Variants in PRKDC observed in about 807,000 individuals in gnomAD.
The protein encoded by PRKDC is DNA-dependent protein kinase catalytic subunit.
In PRKDC, 82 loss-of-function variants were observed where a neutral mutation model predicts 486.9. The observed-to-expected ratio is 0.17, with a 90% CI of 0.14 to 0.20. PRKDC has a LOEUF of 0.20. Ranked by LOEUF, PRKDC falls within the 10% of genes least tolerant of loss-of-function variation. The probability of loss-of-function intolerance (pLI) is 1.00; values close to 1 mark genes in which losing one functional copy is unlikely to be tolerated. For synonymous variants in PRKDC, 1,895 were observed against 1,837.0 expected, an observed-to-expected ratio of 1.03 and a Z score of -0.81; for missense variants, 4,504 against 5,038.2, an observed-to-expected ratio of 0.89 and a Z score of 3.21.
chr8:47,782,727 G>C lies in PRKDC; in HGVS notation c.11176-129C>G, dbSNP rs532973753. The C allele has an allele frequency of 4.1e-6, 4 of 979,230 alleles. No homozygotes were observed. The highest frequency in any genetic ancestry group is 2.6e-5 in the Admixed American group (1 of 38,886). 60.7% of individuals were successfully genotyped at this position (979,230 alleles called of 1,614,324 possible). A position where few individuals can be genotyped will look rare whatever the true frequency, so the allele number is the denominator to read the frequency against. On this transcript the variant is annotated intron_variant, in intron 78 of 85. Coordinates refer to ENST00000314191, the MANE Select transcript of PRKDC (RefSeq NM_006904.7). The surrounding 1 kb of genome is among the most constrained non-coding windows in gnomAD (Gnocchi z 4.9). ...TGAAGACAGTGCCAAAGAGCAGAGCGCCCAGGCCAGCAACGAATTTCTGCT... is the reference window on the plus strand; with the variant it reads ...TGAAGACAGTGCCAAAGAGCAGAGCCCCCAGGCCAGCAACGAATTTCTGCT...
chr8:47,888,911 T>C (rs2089393890), intron 33 of PRKDC, 103 bp downstream of exon 33: 3 of 1,257,028 alleles, frequency 2.4e-6, no homozygotes, highest in South Asian at 2.8e-5. Flanking sequence ...CCCACTGATA[T>C]AAGCCTTCCC....
At position 47,893,313 on chromosome 8, in the gene PRKDC, C is replaced by T; in HGVS notation, c.3673G>A (p.Glu1225Lys). The T allele has an allele frequency of 6.2e-7, 1 of 1,603,262 alleles. No homozygotes were observed. The highest frequency in any genetic ancestry group is 1.1e-5 in the South Asian group (1 of 90,062). Residue 1225 changes from glutamate (E) to lysine (K), a missense_variant, in exon 31 of 86, where the codon GAG becomes AAG. Glu to Lys is a moderately conservative substitution (Grantham distance 56). This residue lies in a region of PRKDC where 1,969 missense variants were observed against 2,068.9 expected (regional missense o/e 0.95). Coordinates refer to ENST00000314191, the MANE Select transcript of PRKDC (RefSeq NM_006904.7). Reference protein sequence around the residue: ...EGVSFLINTFEGGGCGQPSGI... With the variant: ...EGVSFLINTFKGGGCGQPSGI... ...GAGGGCTGGCCACAGCCACCCCCCT[C>T]AAAGGTGTTGATGAGAAAAGAGACA... is the stretch of plus-strand genomic sequence containing the variant.
intron 48 of PRKDC, 95 bp downstream of exon 48, chr8:47,858,421 G>T: frequency 8.3e-7 from 1 of 1,203,788 alleles, no homozygotes; most frequent in Non-Finnish European, 1.1e-6. Context: ...GTGTTTTTAA[G>T]TATATTCATA....
In PRKDC at chr8:47,930,773, C is replaced by A. The variant is rs8178032; in HGVS notation, c.1791G>T (p.Ala597=). The change falls in exon 17 of 86, where the codon GCG becomes GCT. Residue 597 remains alanine, a synonymous_variant. Transcript: ENST00000314191. The part of the protein sequence containing the change: ...TVGEQENGDE[A]PGVWMIPTSD... ...AAGTTGGGATCATCCAAACACCAGGCGCCTCATCTCCATTCTTAAAGAGTA... is the reference window on the plus strand; with the variant it reads ...AAGTTGGGATCATCCAAACACCAGGAGCCTCATCTCCATTCTTAAAGAGTA... The A allele has an allele frequency of 1.3e-6, 2 of 1,578,650 alleles. No homozygotes were observed. Among genetic ancestry groups the A allele is most frequent in the Admixed American group, 3.7e-5 (2 of 54,214 alleles).
intron 19 of PRKDC, 77 bp from the exon 20 acceptor site, chr8:47,927,967 A>G: frequency 8.0e-7 from 1 of 1,257,712 alleles, no homozygotes; most frequent in Non-Finnish European, 1.0e-6. Flanking sequence ...TATTTGCCCT[A>G]TTCTCAAATA....
chr8:47,793,769 C>T (rs1314633088), intron 74 of PRKDC, among the ~76,000 whole-genome samples: 1 of 148,434 alleles, frequency 6.7e-6, no homozygotes, highest in African/African-American at 2.5e-5. Context: ...CAGATCTGCT[C>T]ATAATTAAAA....
intron 24 of PRKDC, 88 bp downstream of exon 24, chr8:47,913,813 G>A (rs923061804): frequency 4.8e-6 from 6 of 1,248,038 alleles, no homozygotes; most frequent in African/African-American, 4.6e-5. Flanking sequence ...ATATTGGAAT[G>A]GCTGAAACAT....
In PRKDC at chr8:47,920,271, G is replaced by T. The variant is rs1489005221; in HGVS notation, c.2420-1888C>A. Among the ~76,000 whole-genome samples the T allele has an allele frequency of 2.6e-5, 4 of 152,202 alleles. 1 individual carries two copies. The highest frequency in any genetic ancestry group is 6.5e-5 in the Admixed American group (1 of 15,274). ...TAATTCCTCTAGCGCTCCTGGGTTAGGGACTCCATGACCGAGCTGGTGTCG... is the reference window on the plus strand; with the variant it reads ...TAATTCCTCTAGCGCTCCTGGGTTATGGACTCCATGACCGAGCTGGTGTCG... On this transcript the variant is annotated intron_variant, in intron 21 of 85. Transcript: ENST00000314191.
chr8:47,839,123 T>C (rs768834820), intron 56 of PRKDC, 25 bp downstream of exon 56: 8 of 1,554,574 alleles, frequency 5.1e-6, no homozygotes, highest in Non-Finnish European at 7.1e-6. Flanking sequence ...AACATTTAAT[T>C]GTCCCAGCCC....
At chr8:47,884,486 G>A (rs1341308863) in intron 36 of PRKDC, among the ~76,000 whole-genome samples, 2 of 152,158 alleles carry the variant, frequency 1.3e-5, no homozygotes, top group African/African-American at 4.8e-5. Flanking sequence ...GATTGTAGAG[G>A]TGTTTTAAAA....
At chr8:47,896,359 C>CA (rs2089580889) in intron 30 of PRKDC, among the ~76,000 whole-genome samples, 1 of 151,998 alleles carries the variant, frequency 6.6e-6, no homozygotes, top group African/African-American at 2.4e-5. Flanking sequence ...GACAGAACTC[C>CA]ACCCCAGGCC....
intron 72 of PRKDC, 27 bp downstream of exon 72, chr8:47,799,183 A>C: frequency 6.2e-7 from 1 of 1,612,904 alleles, no homozygotes; most frequent in Non-Finnish European, 8.5e-7. Flanking sequence ...ACATAATGGA[A>C]CACTAGCTTT....
chr8:47,897,398 T>C (rs2089600141), intron 29 of PRKDC, 104 bp from the exon 30 acceptor site: 2 of 1,162,584 alleles, frequency 1.7e-6, no homozygotes, highest in Admixed American at 5.2e-5. Flanking sequence ...CAGATATATG[T>C]AGAAATCTCA....
intron 30 of PRKDC, among the ~76,000 whole-genome samples, chr8:47,896,305 T>C (rs185193829): frequency 2.6e-5 from 4 of 152,128 alleles, no homozygotes; most frequent in East Asian, 3.9e-4. Flanking sequence ...CCTGGAAATA[T>C]ATAAAGTAAC....
intron 42 of PRKDC, 144 bp downstream of exon 42, chr8:47,863,255 T>G: frequency 1.6e-6 from 1 of 609,018 alleles, no homozygotes; most frequent in South Asian, 2.8e-5. Flanking sequence ...CTAATTAAAG[T>G]TCACCTAAGT....
chr8:47,952,069 A>G (rs2090633862), intron 7 of PRKDC, among the ~76,000 whole-genome samples: 3 of 152,204 alleles, frequency 2.0e-5, no homozygotes. Context: ...TTTCTCAGAA[A>G]ATTAAAACTA....
At chr8:47,873,261 G>A (rs2089001552) in intron 40 of PRKDC, among the ~76,000 whole-genome samples, 1 of 148,714 alleles carries the variant, frequency 6.7e-6, no homozygotes, top group South Asian at 2.1e-4. Context: ...AATAGGCCAA[G>A]CGAGTTGGCT....
intron 19 of PRKDC, 67 bp downstream of exon 19, chr8:47,929,024 AT>A (rs2090204729): frequency 8.4e-7 from 1 of 1,193,972 alleles, no homozygotes; most frequent in Non-Finnish European, 1.2e-6. Flanking sequence ...GATCACTAGG[AT>A]TTTTTCAATA....
At chr8:47,798,148 A>G (rs2087018722) in intron 73 of PRKDC, 89 bp downstream of exon 73, 2 of 1,351,094 alleles carry the variant, frequency 1.5e-6, no homozygotes, top group South Asian at 1.4e-5. Flanking sequence ...TAATACATGC[A>G]CTGCACACAC....
Sources: gnomAD v4.1 joint callset for allele counts (sites outside exome capture counted in the v4.1 genomes callset) on GRCh38, gnomAD v4.1.1 for gene constraint, gnomAD v4.1.1 regional missense constraint, Gnocchi (gnomAD v3.1) non-coding constraint, MANE v1.5 for transcripts, NCBI Gene and HGNC (gene_info 2026-07-23, HGNC 2026-07-21) for gene names.